The following ARHGAP42 variants were observed in gnomAD, a reference collection of about 807,000 sequenced individuals.
ARHGAP42 encodes rho GTPase-activating protein 42.
In ARHGAP42, 63 loss-of-function variants were observed where a neutral mutation model predicts 125.0. That is an observed-to-expected ratio of 0.50 (90% CI 0.41 to 0.62). The LOEUF (loss-of-function observed/expected upper bound fraction) is 0.62, where lower values mean the gene tolerates loss of function less well. ARHGAP42 is among the 20% of genes least tolerant of loss of function. ARHGAP42 has a pLI of 0.00. For missense variants in ARHGAP42, 766 were observed against 1,024.2 expected (o/e 0.75, Z 3.44); for synonymous variants, 339 against 351.0 (o/e 0.97, Z 0.38).
At chr11:100,902,115 A>C (rs777857635) in intron 4 of ARHGAP42, among the ~76,000 whole-genome samples, 8 of 152,252 alleles carry the variant, frequency 5.3e-5, no homozygotes, top group Non-Finnish European at 7.3e-5. Flanking sequence ...AGTCAAAGGC[A>C]GTTCCTGGAA....
intron 3 of ARHGAP42, among the ~76,000 whole-genome samples, chr11:100,805,863 C>T (rs1863975803): frequency 6.6e-6 from 1 of 152,110 alleles, no homozygotes; most frequent in Non-Finnish European, 1.5e-5. Context: ...CCAGAGGTCC[C>T]TTTTGATGCC....
chr11:100,840,470 A>G (rs1353464381), intron 3 of ARHGAP42: 3 of 152,164 alleles, frequency 2.0e-5, no homozygotes, highest in African/African-American at 7.2e-5. Flanking sequence ...GTAAATCTGA[A>G]TTATCTAACT....
At chr11:100,987,130 TG>T (rs1858699055) in intron 22 of ARHGAP42, among the ~76,000 whole-genome samples, 1 of 151,972 alleles carries the variant, frequency 6.6e-6, no homozygotes, top group Non-Finnish European at 1.5e-5. Flanking sequence ...AACATGAAAG[TG>T]GGGGAAAAAA....
chr11:100,746,345 A>G (rs114030922), intron 1 of ARHGAP42, among the ~76,000 whole-genome samples: 13 of 152,286 alleles, frequency 8.5e-5, no homozygotes, highest in Admixed American at 6.5e-4. Context: ...TATAGCAGAG[A>G]GAGACATTGG....
intron 3 of ARHGAP42, among the ~76,000 whole-genome samples, chr11:100,828,611 C>T (rs543059188): frequency 1.3e-5 from 2 of 152,122 alleles, no homozygotes; most frequent in East Asian, 3.9e-4. Flanking sequence ...GCAGAACTCT[C>T]AGATTCAACA....
In ARHGAP42 at chr11:100,921,480, G is replaced by A. The variant is rs187096137; in HGVS notation, c.487-14G>A. ...TAGAACCATCAGTAATCACCCTCTG[G>A]TTTTTCTCTTTAGGCAGATACACAA... is the stretch of plus-strand genomic sequence containing the variant. On this transcript the variant is annotated splice_polypyrimidine_tract_variant and intron_variant, in intron 5 of 23. Coordinates refer to ENST00000298815, the MANE Select transcript of ARHGAP42 (RefSeq NM_152432.4). 1 of 1,518,686 alleles carries A rather than the reference G, an allele frequency of 6.6e-7. No homozygotes were observed. The highest frequency in any genetic ancestry group is 2.5e-5 in the East Asian group (1 of 40,138). 94.1% of individuals were successfully genotyped at this position (1,518,686 alleles called of 1,614,324 possible). A position where few individuals can be genotyped will look rare whatever the true frequency, so the allele number is the denominator to read the frequency against.
intron 1 of ARHGAP42, among the ~76,000 whole-genome samples, chr11:100,708,193 C>T (rs1861508119): frequency 6.6e-6 from 1 of 152,066 alleles, no homozygotes; most frequent in South Asian, 2.1e-4. Flanking sequence ...GTGAGCTGTA[C>T]CTAGCATAGT....
chr11:100,849,073 AG>A (rs1865140370), intron 3 of ARHGAP42, among the ~76,000 whole-genome samples: 1 of 152,254 alleles, frequency 6.6e-6, no homozygotes, highest in African/African-American at 2.4e-5. Context: ...CCATGGCCTA[AG>A]GGTAAGACCA....
intron 4 of ARHGAP42, among the ~76,000 whole-genome samples, chr11:100,860,944 A>G (rs1323105993): frequency 6.6e-6 from 1 of 152,252 alleles, no homozygotes; most frequent in Admixed American, 6.5e-5. Context: ...GTGTTTGATA[A>G]GATGAACGGA....
At chr11:100,909,055 C>A (rs967820324) in intron 4 of ARHGAP42, among the ~76,000 whole-genome samples, 1 of 152,106 alleles carries the variant, frequency 6.6e-6, no homozygotes, top group South Asian at 2.1e-4. Context: ...TATTCATATC[C>A]TCTGCCTACT....
rs1420845198 is a variant in ARHGAP42 at position 100,936,289 on chromosome 11, C to A, written c.789C>A (p.Pro263=). The A allele has an allele frequency of 1.9e-6, 3 of 1,551,612 alleles. No homozygotes were observed. Among genetic ancestry groups the A allele is most frequent in the Non-Finnish European group, 2.6e-6 (3 of 1,146,920 alleles). The change falls in exon 8 of 24, where the codon CCC becomes CCA. Residue 263 remains proline, a synonymous_variant. Transcript: ENST00000298815. ...CTGCTAACCAGGACTACAGACCACC[C>A]AGCCAGTGGACGATGGAAGGCTATC... is the stretch of plus-strand genomic sequence containing the variant. ...MKSANQDYRP[P]SQWTMEGYLY...
chr11:100,846,539 A>G (rs1298881070), intron 3 of ARHGAP42, among the ~76,000 whole-genome samples: 1 of 152,136 alleles, frequency 6.6e-6, no homozygotes, highest in Non-Finnish European at 1.5e-5. Context: ...CAATAAGCTT[A>G]TATCAATAAA....
At chr11:100,792,005 A>T (rs966575270) in intron 2 of ARHGAP42, among the ~76,000 whole-genome samples, 1 of 152,176 alleles carries the variant, frequency 6.6e-6, no homozygotes, top group African/African-American at 2.4e-5. Context: ...AGACAACTTC[A>T]CGATTTGCTC....
At chr11:100,827,945 G>A (rs1425565472) in intron 3 of ARHGAP42, among the ~76,000 whole-genome samples, 2 of 152,188 alleles carry the variant, frequency 1.3e-5, no homozygotes, top group South Asian at 2.1e-4. Flanking sequence ...ACATGGGAGT[G>A]GGGGTAAGAG....
intron 6 of ARHGAP42, among the ~76,000 whole-genome samples, chr11:100,929,518 A>T (rs1046728473): frequency 6.6e-6 from 1 of 152,036 alleles, no homozygotes; most frequent in Non-Finnish European, 1.5e-5. Flanking sequence ...ACCCCTTGAC[A>T]CTCCCACCAG....
chr11:100,727,268 A>G (rs1034548568), intron 1 of ARHGAP42, among the ~76,000 whole-genome samples: 5 of 152,248 alleles, frequency 3.3e-5, no homozygotes, highest in Admixed American at 2.6e-4. Context: ...GATATAATTT[A>G]AATATATATA....
Position 100,788,813 on chromosome 11 carries a change from G to A in ARHGAP42, c.251-6292G>A, listed in dbSNP as rs1863494530. ...ACAAACTGATTGTGCTTCTTATTTT[G>A]GTTATGGATTAAATTGTTCTTAAAA... On this transcript the variant is annotated intron_variant, in intron 2 of 23. Coordinates refer to ENST00000298815, the MANE Select transcript of ARHGAP42 (RefSeq NM_152432.4). Among the ~76,000 whole-genome samples the A allele has an allele frequency of 3.3e-5, 5 of 152,046 alleles. No homozygotes were observed. In the South Asian group the frequency reaches 1.0e-3, roughly 32 times the overall value.
intron 17 of ARHGAP42, among the ~76,000 whole-genome samples, chr11:100,966,726 TCTA>T (rs1858104739): frequency 6.6e-6 from 1 of 152,166 alleles, no homozygotes; most frequent in Non-Finnish European, 1.5e-5. Context: ...ATTATATCTA[TCTA>T]CTATCTATCT....
At chr11:100,859,495 T>C in intron 3 of ARHGAP42, 59 bp from the exon 4 acceptor site, 1 of 1,421,744 alleles carries the variant, frequency 7.0e-7, no homozygotes, top group East Asian at 2.6e-5. Flanking sequence ...TAGCCATTTT[T>C]TCAATGTTGT....
Sources: gnomAD v4.1 joint callset for allele counts (sites outside exome capture counted in the v4.1 genomes callset) on GRCh38, gnomAD v4.1.1 for gene constraint, MANE v1.5 for transcripts, NCBI Gene and HGNC (gene_info 2026-07-23, HGNC 2026-07-21) for gene names.